The following NRXN3 variants were observed in gnomAD, a reference collection of about 807,000 sequenced individuals.
NRXN3 encodes neurexin 3.
A neutral mutation model predicts 137.6 loss-of-function variants in NRXN3; 32 were observed. That is an observed-to-expected ratio of 0.23 (90% confidence interval 0.18 to 0.31). The LOEUF (loss-of-function observed/expected upper bound fraction) is 0.31, where lower values mean the gene tolerates loss of function less well. Ranked by LOEUF, NRXN3 falls within the 10% of genes least tolerant of loss-of-function variation. The probability of loss-of-function intolerance (pLI) is 1.00; values close to 1 mark genes in which losing one functional copy is unlikely to be tolerated. For synonymous variants in NRXN3, 798 were observed against 784.5 expected, an observed-to-expected ratio of 1.02 and a Z score of -0.29; for missense variants, 1,574 against 2,062.5, an observed-to-expected ratio of 0.76 and a Z score of 4.59.
chr14:78,458,746 C>T (rs2094830335), intron 4 of NRXN3, among the ~76,000 whole-genome samples: 2 of 152,202 alleles, frequency 1.3e-5, no homozygotes, highest in Admixed American at 1.3e-4. Context: ...CCCTTGCAAA[C>T]AGGGATTAAT....
intron 10 of NRXN3, among the ~76,000 whole-genome samples, chr14:78,824,645 C>T (rs893547397): frequency 6.6e-5 from 10 of 151,984 alleles, no homozygotes; most frequent in Non-Finnish European, 1.0e-4. Context: ...GGGCACTTGC[C>T]CAACTCTTGA....
chr14:78,444,082 A>ATT (rs2094340637), intron 4 of NRXN3, among the ~76,000 whole-genome samples: 1 of 152,214 alleles, frequency 6.6e-6, no homozygotes, highest in Admixed American at 6.5e-5. Flanking sequence ...TTCACATCAA[A>ATT]TCAGAGTTAG....
chr14:79,202,246 G>A (rs897631235), intron 15 of NRXN3, among the ~76,000 whole-genome samples: 3 of 152,050 alleles, frequency 2.0e-5, no homozygotes, highest in East Asian at 1.9e-4. Context: ...TGTAGGAAGA[G>A]TTGGGGGGTA....
intron 4 of NRXN3, among the ~76,000 whole-genome samples, chr14:78,622,109 A>G (rs2097411369): frequency 6.6e-6 from 1 of 152,174 alleles, no homozygotes; most frequent in Non-Finnish European, 1.5e-5. Flanking sequence ...GGGATGGGAT[A>G]GAGCTGGATC....
chr14:79,285,981 G>A (rs1169997257), intron 15 of NRXN3, among the ~76,000 whole-genome samples: 1 of 151,334 alleles, frequency 6.6e-6, no homozygotes, highest in Non-Finnish European at 1.5e-5. Flanking sequence ...GACAATGGTT[G>A]CAATTTACAA....
At chr14:78,651,380 C>T in intron 6 of NRXN3, 54 bp downstream of exon 6, 2 of 1,553,488 alleles carry the variant, frequency 1.3e-6, no homozygotes, top group Non-Finnish European at 1.8e-6. Context: ...CATTTATAAA[C>T]AAATGACATG....
intron 4 of NRXN3, among the ~76,000 whole-genome samples, chr14:78,534,560 T>G (rs2096512362): frequency 1.3e-5 from 2 of 152,172 alleles, no homozygotes; most frequent in Admixed American, 6.5e-5. Flanking sequence ...GATACTATCA[T>G]CCTCATTTCT....
In NRXN3 at chr14:79,867,401, G is replaced by C. The variant is rs1027297986; in HGVS notation, c.*5437G>C. 6.6e-6 allele frequency: 1 copy of C among 152,184 alleles called. No homozygotes were observed. Among genetic ancestry groups the C allele is most frequent in the Non-Finnish European group, 1.5e-5 (1 of 68,054 alleles). 9.4% of individuals were successfully genotyped at this position (152,184 alleles called of 1,614,324 possible). A position where few individuals can be genotyped will look rare whatever the true frequency, so the allele number is the denominator to read the frequency against. On this transcript the variant is annotated 3_prime_UTR_variant, in exon 21 of 21. Transcript: ENST00000335750. ...CAAAGTTTGTTAGGGCTCAGTTTCT[G>C]GGAAGGGCTCTCTTCCTGGCTTGTA...
intron 16 of NRXN3, among the ~76,000 whole-genome samples, chr14:79,562,419 G>A (rs981470470): frequency 2.6e-5 from 4 of 152,068 alleles, no homozygotes; most frequent in African/African-American, 9.7e-5. Context: ...AAATGAAGAC[G>A]ATACTTAGAT....
At chr14:79,446,099 T>C (rs1272313615) in intron 15 of NRXN3, among the ~76,000 whole-genome samples, 2 of 152,282 alleles carry the variant, frequency 1.3e-5, no homozygotes, top group South Asian at 2.1e-4. Context: ...TTACATCTTA[T>C]TGAGGAGAGG....
chr14:78,421,142 A>G (rs1160461951), intron 4 of NRXN3, among the ~76,000 whole-genome samples: 1 of 152,132 alleles, frequency 6.6e-6, no homozygotes, highest in South Asian at 2.1e-4. Context: ...ATGTGCCTGT[A>G]GTCCCAGCTA....
intron 14 of NRXN3, among the ~76,000 whole-genome samples, chr14:78,986,440 G>T (rs1242678242): frequency 6.6e-6 from 1 of 152,102 alleles, no homozygotes; most frequent in African/African-American, 2.4e-5. Flanking sequence ...GAAGAGAAGT[G>T]CCAGGCGGAC....
At chr14:79,314,823 A>T (rs892725587) in intron 15 of NRXN3, among the ~76,000 whole-genome samples, 28 of 148,404 alleles carry the variant, frequency 1.9e-4, no homozygotes, top group East Asian at 2.1e-4. Flanking sequence ...CTCACACGGC[A>T]GGGTATTCCA....
At chr14:78,968,631 C>G (rs1165490006) in intron 14 of NRXN3, among the ~76,000 whole-genome samples, 2 of 152,218 alleles carry the variant, frequency 1.3e-5, no homozygotes, top group Admixed American at 1.3e-4. Flanking sequence ...CATCAGGCTT[C>G]TTTCAATGTG....
At chr14:79,726,278 G>A (rs1158839409) in intron 19 of NRXN3, among the ~76,000 whole-genome samples, 3 of 152,152 alleles carry the variant, frequency 2.0e-5, no homozygotes. Context: ...TTTAGTTGCT[G>A]CACCTGGGTA....
At chr14:79,297,806 G>A (rs1051182504) in intron 15 of NRXN3, among the ~76,000 whole-genome samples, 2 of 151,964 alleles carry the variant, frequency 1.3e-5, no homozygotes, top group Non-Finnish European at 2.9e-5. Flanking sequence ...GAGGCCAAAG[G>A]GCCATTTCAA....
intron 15 of NRXN3, among the ~76,000 whole-genome samples, chr14:79,457,128 A>G (rs1268627872): frequency 6.6e-6 from 1 of 152,156 alleles, no homozygotes; most frequent in Non-Finnish European, 1.5e-5. Flanking sequence ...TCTGCTGTAT[A>G]TAAGAGCAGA....
intron 4 of NRXN3, among the ~76,000 whole-genome samples, chr14:78,470,665 T>C (rs138250365): frequency 6.6e-6 from 1 of 152,044 alleles, no homozygotes; most frequent in African/African-American, 2.4e-5. Flanking sequence ...ATACAATAGA[T>C]AAATAGTAAG....
chr14:79,007,640 C>A (rs2099555999), intron 15 of NRXN3, among the ~76,000 whole-genome samples: 2 of 151,376 alleles, frequency 1.3e-5, no homozygotes, highest in Non-Finnish European at 2.9e-5. Context: ...CCCGTCTCTA[C>A]TAAAAAATAA....
Sources: gnomAD v4.1 joint callset for allele counts (sites outside exome capture counted in the v4.1 genomes callset) on GRCh38, gnomAD v4.1.1 for gene constraint, MANE v1.5 for transcripts, NCBI Gene and HGNC (gene_info 2026-07-23, HGNC 2026-07-21) for gene names.